The following GRID1 variants were observed in gnomAD, a reference collection of about 807,000 sequenced individuals.
GRID1 encodes glutamate ionotropic receptor delta type subunit 1, also known as glutamate receptor ionotropic, delta-1.
Under a neutral mutation model 98.0 loss-of-function variants are expected in GRID1, and 28 were observed. The ratio of observed to expected loss-of-function variants is 0.29; its 90% confidence interval spans 0.21 to 0.39. The LOEUF is 0.39. GRID1 is among the 10% of genes least tolerant of loss of function. The pLI is 1.00. For synonymous variants in GRID1, 553 were observed against 538.5 expected (o/e 1.03, Z -0.37); for missense variants, 1,111 against 1,340.5 (o/e 0.83, Z 2.67).
intron 4 of GRID1, among the ~76,000 whole-genome samples, chr10:86,113,385 C>A (rs1381565931): frequency 2.0e-5 from 3 of 152,184 alleles, no homozygotes; most frequent in Non-Finnish European, 4.4e-5. Flanking sequence ...AGCTTTAATT[C>A]CATCTTGGGA....
At chr10:85,995,079 T>C (rs902388008) in intron 4 of GRID1, among the ~76,000 whole-genome samples, 11 of 152,236 alleles carry the variant, frequency 7.2e-5, no homozygotes, top group Admixed American at 5.2e-4. Flanking sequence ...CGGATTTTTA[T>C]GTTAAAAGTT....
intron 4 of GRID1, among the ~76,000 whole-genome samples, chr10:86,036,608 C>T (rs191846803): frequency 6.6e-6 from 1 of 152,350 alleles, no homozygotes; most frequent in Non-Finnish European, 1.5e-5. Context: ...CTCCCTGTCC[C>T]TGAAGGGCTC....
chr10:86,327,811 C>T (rs1848074121), intron 2 of GRID1, among the ~76,000 whole-genome samples: 1 of 152,174 alleles, frequency 6.6e-6, no homozygotes, highest in African/African-American at 2.4e-5. Flanking sequence ...TCTTCTTACC[C>T]TGTCGCTGGG....
At chr10:85,719,060 AATCT>A (rs1435257725) in intron 12 of GRID1, among the ~76,000 whole-genome samples, 1 of 152,198 alleles carries the variant, frequency 6.6e-6, no homozygotes, top group Non-Finnish European at 1.5e-5. Flanking sequence ...AAGTTTCACA[AATCT>A]CTAGGGCAGG....
intron 4 of GRID1, among the ~76,000 whole-genome samples, chr10:86,089,485 A>G (rs2131937227): frequency 6.6e-6 from 1 of 152,352 alleles, no homozygotes; most frequent in East Asian, 1.9e-4. Context: ...AAGACCCATG[A>G]GCCTCATAAC....
intron 4 of GRID1, among the ~76,000 whole-genome samples, chr10:86,082,046 A>G (rs1384939509): frequency 6.6e-6 from 1 of 152,258 alleles, no homozygotes; most frequent in Non-Finnish European, 1.5e-5. Context: ...TAACAATTAT[A>G]CCACATTAAT....
intron 5 of GRID1, among the ~76,000 whole-genome samples, chr10:85,899,105 G>C (rs1400917336): frequency 4.6e-5 from 7 of 152,178 alleles, no homozygotes; most frequent in Non-Finnish European, 8.8e-5. Flanking sequence ...GTTGTACATA[G>C]GGTTCATGGT....
intron 8 of GRID1, among the ~76,000 whole-genome samples, chr10:85,766,648 A>T (rs1842199972): frequency 6.6e-6 from 1 of 152,000 alleles, no homozygotes; most frequent in Non-Finnish European, 1.5e-5. Context: ...ATTCAAAAGG[A>T]TTATCATATG....
chr10:86,277,004 A>G (rs1321202318), intron 2 of GRID1, among the ~76,000 whole-genome samples: 1 of 152,214 alleles, frequency 6.6e-6, no homozygotes, highest in Admixed American at 6.5e-5. Context: ...TAAGATACCT[A>G]AAGTCATCAA....
At chr10:85,764,638 C>T (rs1403574572) in intron 8 of GRID1, among the ~76,000 whole-genome samples, 1 of 152,196 alleles carries the variant, frequency 6.6e-6, no homozygotes, top group Non-Finnish European at 1.5e-5. Context: ...CACATGTGGG[C>T]TTTATTTCTG....
intron 12 of GRID1, among the ~76,000 whole-genome samples, chr10:85,653,405 G>A (rs1359504083): frequency 2.0e-5 from 3 of 152,216 alleles, no homozygotes; most frequent in South Asian, 4.1e-4. Context: ...GAGCAGAGAG[G>A]AATGAACTCG....
chr10:86,087,895 A>G (rs1209442151), intron 4 of GRID1, among the ~76,000 whole-genome samples: 2 of 151,896 alleles, frequency 1.3e-5, no homozygotes, highest in African/African-American at 2.4e-5. Context: ...TCAGGCCCCT[A>G]TAGTGCTAGT....
chr10:85,829,888 T>A (rs1842852548), intron 8 of GRID1, among the ~76,000 whole-genome samples: 1 of 151,470 alleles, frequency 6.6e-6, no homozygotes, highest in African/African-American at 2.4e-5. Context: ...CATGCTACTG[T>A]GCAATTTACA....
intron 3 of GRID1, among the ~76,000 whole-genome samples, chr10:86,162,945 G>A (rs1237943300): frequency 6.6e-6 from 1 of 152,232 alleles, no homozygotes; most frequent in Non-Finnish European, 1.5e-5. Flanking sequence ...GCATGGGCCT[G>A]AAGGAGCCTT....
chr10:85,667,316 C>CAGAGAGAG (rs5786718), intron 12 of GRID1, among the ~76,000 whole-genome samples: 2 of 148,906 alleles, frequency 1.3e-5, no homozygotes, highest in East Asian at 2.0e-4. Flanking sequence ...CACACACACA[C>CAGAGAGAG]AGAGAGAGAG....
chr10:85,934,765 G>A (rs1385659539), intron 4 of GRID1, among the ~76,000 whole-genome samples: 1 of 152,134 alleles, frequency 6.6e-6, no homozygotes, highest in African/African-American at 2.4e-5. Flanking sequence ...ACGCTGGCTG[G>A]GGCCACTGCC....
chr10:85,817,866 G>A (rs536134062), intron 8 of GRID1, among the ~76,000 whole-genome samples: 1 of 152,214 alleles, frequency 6.6e-6, no homozygotes, highest in South Asian at 2.1e-4. Context: ...CCTCCAGCCT[G>A]AGTGACAAAA....
intron 4 of GRID1, among the ~76,000 whole-genome samples, chr10:86,108,969 G>A (rs571207405): frequency 1.3e-5 from 2 of 152,162 alleles, no homozygotes; most frequent in East Asian, 1.9e-4. Flanking sequence ...CATCCCTAGC[G>A]TGTGCTGCCT....
intron 12 of GRID1, among the ~76,000 whole-genome samples, chr10:85,692,456 G>A (rs550593723): frequency 1.3e-5 from 2 of 152,070 alleles, no homozygotes; most frequent in Non-Finnish European, 2.9e-5. Context: ...GACCCCAGGA[G>A]TTTGAGGCCA....
Sources: allele counts gnomAD v4.1 joint callset (sites outside exome capture counted in the v4.1 genomes callset), GRCh38; gene constraint gnomAD v4.1.1; transcripts MANE v1.5; gene names NCBI Gene and HGNC (gene_info 2026-07-23, HGNC 2026-07-21).